The following USP24 variants were observed in gnomAD, a reference collection of about 807,000 sequenced individuals.
USP24 encodes the protein ubiquitin specific peptidase 24.
Under a neutral mutation model 361.6 loss-of-function variants are expected in USP24, and 97 were observed. The observed-to-expected ratio is 0.27, with a 90% CI of 0.23 to 0.32. The LOEUF is 0.32. Among genes scored for constraint, USP24 ranks in the 10% least tolerant of loss-of-function variants. The probability of loss-of-function intolerance (pLI) is 1.00; values close to 1 mark genes in which losing one functional copy is unlikely to be tolerated. For synonymous variants in USP24, 1,098 were observed against 1,124.6 expected (o/e 0.98, Z 0.47); for missense variants, 2,353 against 3,165.6 (o/e 0.74, Z 6.16).
intron 51 of USP24, among the ~76,000 whole-genome samples, chr1:55,094,609 G>A (rs951493734): frequency 2.0e-5 from 3 of 149,718 alleles, no homozygotes; most frequent in East Asian, 2.0e-4. Context: ...CTGACAATAG[G>A]ACCTTTAAAA....
rs1275397752 is a variant in USP24 at position 55,085,938 on chromosome 1, C to T, written c.6765+4G>A. 9 of 1,612,432 alleles carry T rather than the reference C, an allele frequency of 5.6e-6. No homozygotes were observed. Among genetic ancestry groups the T allele is most frequent in the Admixed American group, 3.3e-5 (2 of 59,840 alleles). ...ATAAATAACGTTTTAAAAATGAGACCGACCTTATCCTGATAAAACAAGGCA... is the reference window on the plus strand; with the variant it reads ...ATAAATAACGTTTTAAAAATGAGACTGACCTTATCCTGATAAAACAAGGCA... On this transcript the variant is annotated splice_donor_region_variant and intron_variant, in intron 56 of 67. Transcript: ENST00000294383.
In USP24 at chr1:55,148,530, G is replaced by T; in HGVS notation, c.1901C>A (p.Pro634Gln). The T allele has an allele frequency of 6.3e-7, 1 of 1,594,964 alleles. No individual in the cohort carries two copies. The highest frequency in any genetic ancestry group is 2.3e-5 in the East Asian group (1 of 44,258). Residue 634 changes from proline to glutamine, a missense_variant, in exon 17 of 68, where the codon CCA becomes CAA. Pro to Gln is a moderately conservative substitution (Grantham distance 76). Transcript: ENST00000294383. ...LNNPQFVWVV[P>Q]ALRQLHEITR... Reference sequence around the variant, plus strand: ...AATTTCATGGAGCTGACGCAAAGCTGGTACCACCCATACAAACTGGGGATT... The same window carrying T: ...AATTTCATGGAGCTGACGCAAAGCTTGTACCACCCATACAAACTGGGGATT...
intron 31 of USP24, 106 bp downstream of exon 31, chr1:55,132,439 A>G: frequency 7.6e-7 from 1 of 1,311,756 alleles, no homozygotes; most frequent in Non-Finnish European, 1.0e-6. Context: ...TCAACCAATC[A>G]TCACATAACA....
chr1:55,191,680 C>T (rs1366091312), intron 1 of USP24, among the ~76,000 whole-genome samples: 6 of 151,970 alleles, frequency 3.9e-5, no homozygotes, highest in East Asian at 3.9e-4. Context: ...TTAGTAGAGA[C>T]GGTGTTTCAC....
At chr1:55,211,690 C>T (rs1644850144) in intron 1 of USP24, among the ~76,000 whole-genome samples, 1 of 152,134 alleles carries the variant, frequency 6.6e-6, no homozygotes, top group Admixed American at 6.5e-5. Context: ...ATGTAAACAC[C>T]ACGTTCTGTT....
At chr1:55,116,956 C>CA (rs1271961624) in intron 38 of USP24, among the ~76,000 whole-genome samples, 1 of 152,156 alleles carries the variant, frequency 6.6e-6, no homozygotes, top group African/African-American at 2.4e-5. Flanking sequence ...AAAATACTAT[C>CA]AAACCAAAGG....
chr1:55,151,543 AAAC>A lies in USP24; in HGVS notation c.1860+2324_1860+2326del, dbSNP rs541984401. Among the ~76,000 whole-genome samples the A allele has an allele frequency of 2.2e-4, 34 of 152,348 alleles. No individual in the cohort carries two copies. The East Asian group carries it at 6.5e-3, about 29-fold the overall frequency. On this transcript the variant is annotated intron_variant, in intron 16 of 67. Transcript: ENST00000294383. ...GCGCTATGGTAGGTGGCCTGAAGAT[AAAC>A]AACTTAAGGAATATGCAGTACAACT...
chr1:55,079,079 A>T (rs1243527057), intron 60 of USP24, among the ~76,000 whole-genome samples: 2 of 152,070 alleles, frequency 1.3e-5, no homozygotes, highest in Non-Finnish European at 2.9e-5. Flanking sequence ...GATGGAGTCC[A>T]CAGCTGGGGG....
At chr1:55,117,467 G>A (rs1646147345) in intron 38 of USP24, among the ~76,000 whole-genome samples, 1 of 152,180 alleles carries the variant, frequency 6.6e-6, no homozygotes, top group African/African-American at 2.4e-5. Context: ...GGTGGCTCAC[G>A]CCTGTAATCC....
chr1:55,076,484 C>T (rs533163423), intron 62 of USP24, among the ~76,000 whole-genome samples: 5 of 152,250 alleles, frequency 3.3e-5, no homozygotes, highest in African/African-American at 4.8e-5. Flanking sequence ...ATCAAGAATT[C>T]GAAGGGAACC....
intron 41 of USP24, among the ~76,000 whole-genome samples, chr1:55,104,576 G>A (rs958866017): frequency 2.6e-5 from 4 of 152,194 alleles, no homozygotes; most frequent in South Asian, 2.1e-4. Context: ...TACACTGCCT[G>A]CCTGGTAGTA....
At position 55,158,987 on chromosome 1, in the gene USP24, A is replaced by G. The variant is rs757890516; in HGVS notation, c.1118T>C (p.Met373Thr). The G allele has an allele frequency of 2.5e-6, 4 of 1,591,128 alleles. No individual in the cohort carries two copies. The South Asian group carries it at 3.4e-5, about 14-fold the overall frequency. Reference sequence around the variant, plus strand: ...TGTCACCAGATCCGGTTGGAAGCGCATGCAAAGTAACTTAACGGCAGACAA... The same window carrying G: ...TGTCACCAGATCCGGTTGGAAGCGCGTGCAAAGTAACTTAACGGCAGACAA... ...ELLSAVKLLCMRFQPDLVTIV... is the reference protein window; with the variant it reads ...ELLSAVKLLCTRFQPDLVTIV... The change falls in exon 10 of 68, where the codon ATG (methionine) becomes ACG (threonine). Residue 373 changes from methionine (M) to threonine (T), a missense_variant. Physicochemically the swap from Met to Thr is moderately conservative, Grantham distance 81 (BLOSUM62 -1). Transcript: ENST00000294383.
chr1:55,097,105 T>G lies in USP24; in HGVS notation c.5783A>C (p.Glu1928Ala). ...SGMARQDSSS[E>A]VGENGRSVDQ... ...CACACTTCGCCCATTTTCCCCAACT[T>G]CAGAAGAAGAATCTTGGCGAGCCAT... The change falls in exon 49 of 68, where the codon GAA (glutamate) becomes GCA (alanine). Residue 1928 changes from glutamate (E) to alanine (A), a missense_variant. Around this residue, in one of 8 missense-constraint regions of USP24, gnomAD observed 598 missense variants for 761.9 expected, o/e 0.78. Transcript: ENST00000294383. 1 of 1,613,862 alleles carries G rather than the reference T, an allele frequency of 6.2e-7. No homozygotes were observed.
At chr1:55,126,075 T>C (rs1646420354) in intron 32 of USP24, among the ~76,000 whole-genome samples, 1 of 152,222 alleles carries the variant, frequency 6.6e-6, no homozygotes, top group Non-Finnish European at 1.5e-5. Flanking sequence ...TCCTATTTCC[T>C]ATGCTGAAAA....
intron 1 of USP24, among the ~76,000 whole-genome samples, chr1:55,199,002 T>A (rs1644490232): frequency 6.6e-6 from 1 of 152,124 alleles, no homozygotes; most frequent in African/African-American, 2.4e-5. Context: ...AAGAACATGA[T>A]AACCAGGACA....
At chr1:55,111,202 T>C (rs1413782957) in intron 38 of USP24, among the ~76,000 whole-genome samples, 1 of 151,974 alleles carries the variant, frequency 6.6e-6, no homozygotes. Flanking sequence ...GTACCAAACT[T>C]AGGCATTAAA....
At position 55,098,541 on chromosome 1, in the gene USP24, T is replaced by C. The variant is rs1201054565; in HGVS notation, c.5388A>G (p.Gln1796=). ...TGCCCTGAAATGTATTCTTAAAAATTTGGTCTCTCCCCATTTTCTGTTGGA... is the reference window on the plus strand; with the variant it reads ...TGCCCTGAAATGTATTCTTAAAAATCTGGTCTCTCCCCATTTTCTGTTGGA... ...DEYLKKMGRD[Q]IFKNTFQGIY... is the part of the protein sequence containing the mutation. Residue 1796 remains glutamine (Q), a synonymous_variant, in exon 46 of 68, where the codon CAA becomes CAG. Transcript: ENST00000294383. 30 of 1,612,200 alleles carry C rather than the reference T, an allele frequency of 1.9e-5. No homozygotes were observed. The highest frequency in any genetic ancestry group is 2.4e-5 in the Non-Finnish European group (28 of 1,178,972).
At chr1:55,117,919 G>C (rs909533382) in intron 38 of USP24, among the ~76,000 whole-genome samples, 1 of 151,926 alleles carries the variant, frequency 6.6e-6, no homozygotes, top group African/African-American at 2.4e-5. Flanking sequence ...AAAATACTTA[G>C]GAACCAACTT....
chr1:55,151,475 GAAGT>G (rs1647189718), intron 16 of USP24, among the ~76,000 whole-genome samples: 1 of 152,208 alleles, frequency 6.6e-6, no homozygotes, highest in Non-Finnish European at 1.5e-5. Flanking sequence ...TGAAGGGGAG[GAAGT>G]AAGAGGAAGG....
Sources: allele counts gnomAD v4.1 joint callset (sites outside exome capture counted in the v4.1 genomes callset), GRCh38; gene constraint gnomAD v4.1.1; regional missense constraint gnomAD v4.1.1; transcripts MANE v1.5; gene names NCBI Gene and HGNC (gene_info 2026-07-23, HGNC 2026-07-21).